Variants in CFAP61 observed in about 807,000 individuals in gnomAD.
The protein encoded by CFAP61 is cilia- and flagella-associated protein 61.
A neutral mutation model predicts 135.6 loss-of-function variants in CFAP61; 107 were observed. The ratio of observed to expected loss-of-function variants is 0.79; its 90% CI spans 0.67 to 0.93. The LOEUF is 0.93. Among genes scored for constraint, CFAP61 ranks in the 40% least tolerant of loss-of-function variants. The pLI, the probability that CFAP61 is intolerant of heterozygous loss-of-function variation, is 0.00. For synonymous variants in CFAP61, 575 were observed against 578.5 expected (o/e 0.99, Z 0.09); for missense variants, 1,507 against 1,556.2 (o/e 0.97, Z 0.53).
chr20:20,067,722 ATATT>A (rs1018449818), intron 2 of CFAP61, among the ~76,000 whole-genome samples: 1 of 145,418 alleles, frequency 6.9e-6, no homozygotes, highest in African/African-American at 2.5e-5. Context: ...TATATAATAT[ATATT>A]CATATTATTT....
chr20:20,088,463 G>A (rs1252591782), intron 6 of CFAP61, among the ~76,000 whole-genome samples: 2 of 152,126 alleles, frequency 1.3e-5, no homozygotes, highest in African/African-American at 2.4e-5. Context: ...AAAGAACAAT[G>A]AGAGCCGAGT....
At chr20:20,262,755 C>A (rs2052350636) in intron 20 of CFAP61, among the ~76,000 whole-genome samples, 1 of 150,700 alleles carries the variant, frequency 6.6e-6, no homozygotes, top group Non-Finnish European at 1.5e-5. Context: ...ATAACTAGAG[C>A]AACTCCCTCT....
chr20:20,314,578 C>T (rs1450999140), intron 25 of CFAP61, among the ~76,000 whole-genome samples: 1 of 147,838 alleles, frequency 6.8e-6, no homozygotes, highest in Non-Finnish European at 1.5e-5. Flanking sequence ...GGTACATGTG[C>T]ACAATGTGCA....
intron 1 of CFAP61, chr20:20,052,838 C>T: frequency 1.0e-6 from 1 of 994,178 alleles, no homozygotes; most frequent in Non-Finnish European, 1.5e-6. Flanking sequence ...CCCTTTTAGG[C>T]TGCAATGCCT....
intron 9 of CFAP61, among the ~76,000 whole-genome samples, chr20:20,144,536 T>C (rs539421966): frequency 2.6e-5 from 4 of 152,064 alleles, no homozygotes; most frequent in African/African-American, 7.2e-5. Context: ...ATCAGTGAGT[T>C]TGGGGACAAC....
intron 1 of CFAP61, chr20:20,056,162 AC>A (rs1568786643): frequency 3.3e-6 from 2 of 604,924 alleles, no homozygotes; most frequent in African/African-American, 3.8e-5. Flanking sequence ...TAACCACAGA[AC>A]TTTTTTGGTC....
intron 13 of CFAP61, among the ~76,000 whole-genome samples, chr20:20,180,334 G>GAAA (rs574779331): frequency 2.7e-4 from 35 of 130,964 alleles, no homozygotes; most frequent in Non-Finnish European, 4.5e-4. Context: ...GTCTCAAAAA[G>GAAA]AAAAAAAAAA....
intron 22 of CFAP61, among the ~76,000 whole-genome samples, chr20:20,285,920 CA>C (rs11476999): frequency 0.57 from 62,348 of 110,072 alleles, 14,362 homozygotes; most frequent in Middle Eastern, 0.73. Flanking sequence ...GACCCTGTCT[CA>C]AAAAAAAAAA....
chr20:20,054,338 G>T (rs1467008235), intron 1 of CFAP61, among the ~76,000 whole-genome samples: 1 of 151,744 alleles, frequency 6.6e-6, no homozygotes, highest in East Asian at 1.9e-4. Context: ...AGAAAACTAT[G>T]GGCCGTAGAC....
chr20:20,349,589 C>A (rs892057819), intron 26 of CFAP61, among the ~76,000 whole-genome samples: 1 of 152,092 alleles, frequency 6.6e-6, no homozygotes, highest in African/African-American at 2.4e-5. Flanking sequence ...ACATCCAGAC[C>A]ATATTAGCAT....
intron 13 of CFAP61, among the ~76,000 whole-genome samples, chr20:20,174,502 C>T (rs530063893): frequency 2.4e-4 from 36 of 152,342 alleles, no homozygotes; most frequent in Middle Eastern, 6.8e-3. Flanking sequence ...TTATTATAAG[C>T]ATAAAAAGCT....
intron 18 of CFAP61, among the ~76,000 whole-genome samples, chr20:20,234,478 G>C (rs2049419597): frequency 6.6e-6 from 1 of 152,212 alleles, no homozygotes; most frequent in Non-Finnish European, 1.5e-5. Context: ...GCTGTGGGGA[G>C]AGGATTTTGT....
intron 13 of CFAP61, among the ~76,000 whole-genome samples, chr20:20,183,200 G>C (rs1229408408): frequency 6.6e-6 from 1 of 150,456 alleles, no homozygotes; most frequent in African/African-American, 2.5e-5. Context: ...TTTTGCCCAG[G>C]CTGGAGTGCA....
At chr20:20,322,896 G>T (rs912598131) in intron 25 of CFAP61, 1 of 985,396 alleles carries the variant, frequency 1.0e-6, no homozygotes, top group Non-Finnish European at 1.2e-6. Flanking sequence ...GTTCTTCCTT[G>T]TGACTTTCTA....
rs1024888219 is a variant in CFAP61 at position 20,090,749 on chromosome 20, C to T, written c.567-95C>T. On this transcript the variant is annotated intron_variant, in intron 6 of 26. Coordinates refer to ENST00000245957, the MANE Select transcript of CFAP61 (RefSeq NM_015585.4). ...GATATCATGAGTGTTGCTCTAGCCC[C>T]GGCACTTAGAACAGGGTCTGGCACA... 188 of 1,249,938 alleles carry T rather than the reference C, an allele frequency of 1.5e-4. No individual in the cohort carries two copies. The South Asian group carries it at 1.7e-3, about 11-fold the overall frequency. The allele number at this position is 1,249,938 out of a possible 1,614,324, so 77.4% of individuals were successfully genotyped here.
chr20:20,290,296 C>T lies in CFAP61; in HGVS notation c.3125-4C>T. On this transcript the variant is annotated splice_region_variant and splice_polypyrimidine_tract_variant and intron_variant, in intron 23 of 26. Transcript: ENST00000245957. Reference sequence around the variant, plus strand: ...TTAAATGGAAAACTTGCCATCTCTTCTAGGGGGCATTCTTCCTGGGTCTTA... The same window carrying T: ...TTAAATGGAAAACTTGCCATCTCTTTTAGGGGGCATTCTTCCTGGGTCTTA... 6.3e-7 allele frequency: 1 copy of T among 1,596,242 alleles called. No individual in the cohort carries two copies. Among genetic ancestry groups the T allele is most frequent in the Non-Finnish European group, 8.6e-7 (1 of 1,163,552 alleles).
At chr20:20,281,948 G>A (rs181580539) in intron 22 of CFAP61, among the ~76,000 whole-genome samples, 12 of 152,154 alleles carry the variant, frequency 7.9e-5, no homozygotes, top group African/African-American at 2.7e-4. Flanking sequence ...CTAGATATAA[G>A]GCTACTCAAA....
At chr20:20,328,270 T>C (rs557008589) in intron 25 of CFAP61, among the ~76,000 whole-genome samples, 1 of 152,274 alleles carries the variant, frequency 6.6e-6, no homozygotes, top group East Asian at 1.9e-4. Flanking sequence ...ATATGGGGAA[T>C]GGAGCTGTTA....
At chr20:20,069,663 G>T in intron 2 of CFAP61, 1 of 444,406 alleles carries the variant, frequency 2.3e-6, no homozygotes, top group Non-Finnish European at 4.5e-6. Context: ...AGAAACCAAA[G>T]TGTTGACAGT....
Sources: allele counts gnomAD v4.1 joint callset (sites outside exome capture counted in the v4.1 genomes callset), GRCh38; gene constraint gnomAD v4.1.1; transcripts MANE v1.5; gene names NCBI Gene and HGNC (gene_info 2026-07-23, HGNC 2026-07-21).